Variants in ADAMTS6 observed in about 807,000 individuals in gnomAD.
The protein encoded by ADAMTS6 is ADAM metallopeptidase with thrombospondin type 1 motif 6, also known as A disintegrin and metalloproteinase with thrombospondin motifs 6.
A neutral mutation model predicts 144.3 loss-of-function variants in ADAMTS6; 23 were observed. That is an observed-to-expected ratio of 0.16 (90% CI 0.11 to 0.23). ADAMTS6 has a LOEUF of 0.23. Ranked by LOEUF, ADAMTS6 falls within the 10% of genes least tolerant of loss-of-function variation. The pLI is 1.00. For missense variants in ADAMTS6, 999 were observed against 1,379.6 expected (o/e 0.72, Z 4.37); for synonymous variants, 444 against 457.5 (o/e 0.97, Z 0.38).
chr5:65,310,929 C>T (rs1744435339), intron 9 of ADAMTS6, among the ~76,000 whole-genome samples: 1 of 151,848 alleles, frequency 6.6e-6, no homozygotes. Flanking sequence ...TGTTTTGGCT[C>T]ATGAATGCAA....
chr5:65,224,342 A>C lies in ADAMTS6; in HGVS notation c.2250T>G (p.Val750=), dbSNP rs147098621. Residue 750 remains valine, a synonymous_variant, in exon 18 of 25, where the codon GTT becomes GTG. Transcript: ENST00000381055. The part of the protein sequence containing the change: ...RGSVHIEVRE[V]AMSKNYIALK... Reference sequence around the variant, plus strand: ...TACCAATATAGTTCTTTGACATGGCAACTTCTCTAACTTCAATGTGAACAG... The same window carrying C: ...TACCAATATAGTTCTTTGACATGGCCACTTCTCTAACTTCAATGTGAACAG... 85 of 1,613,988 alleles carry C rather than the reference A, an allele frequency of 5.3e-5. No homozygotes were observed. Among genetic ancestry groups the C allele is most frequent in the Non-Finnish European group, 7.0e-5 (83 of 1,180,010 alleles).
chr5:65,331,769 A>C (rs566861181), intron 8 of ADAMTS6, among the ~76,000 whole-genome samples: 66 of 152,094 alleles, frequency 4.3e-4, no homozygotes, highest in African/African-American at 1.5e-3. Flanking sequence ...AGTGACTAGA[A>C]TACAACTTAA....
Position 65,224,389 on chromosome 5 carries a change from C to A in ADAMTS6, c.2203G>T (p.Val735Leu). Residue 735 changes from valine (V) to leucine (L), a missense_variant, in exon 18 of 25, where the codon GTG becomes TTG. Val to Leu is a conservative substitution (Grantham distance 32). Coordinates refer to ENST00000381055, the MANE Select transcript of ADAMTS6 (RefSeq NM_197941.4). ...ACAGAGCCTCTTGGTATCTGCACCA[C>A]TTCCATGTAGCCTGGAACACAGAAG... ...DSLPRGGYME[V>L]VQIPRGSVHI... 1 of 1,614,106 alleles carries A rather than the reference C, an allele frequency of 6.2e-7. No individual in the cohort carries two copies. Among genetic ancestry groups the A allele is most frequent in the Non-Finnish European group, 8.5e-7 (1 of 1,179,976 alleles).
rs767420315 is a variant in ADAMTS6 at position 65,334,019 on chromosome 5, A to ACC, written c.1117+22_1117+23insGG. 4 of 1,361,520 alleles carry ACC rather than the reference A, an allele frequency of 2.9e-6. No individual in the cohort carries two copies. In the South Asian group the frequency reaches 8.1e-5, roughly 28 times the overall value. 84.3% of individuals were successfully genotyped at this position (1,361,520 alleles called of 1,614,324 possible). On this transcript the variant is annotated intron_variant, in intron 8 of 24. Coordinates refer to ENST00000381055, the MANE Select transcript of ADAMTS6 (RefSeq NM_197941.4). ...TATTAAAAAAAAAAAAAAAAAAAAA[A>ACC]AAAAAAACCAAAAAAAACTTACCCA... is the stretch of plus-strand genomic sequence containing the variant.
chr5:65,316,770 T>C (rs1471250848), intron 9 of ADAMTS6, among the ~76,000 whole-genome samples: 1 of 152,044 alleles, frequency 6.6e-6, no homozygotes, highest in East Asian at 1.9e-4. Flanking sequence ...CTTTTTATAA[T>C]GATAAAGAGG....
intron 6 of ADAMTS6, among the ~76,000 whole-genome samples, 200 bp from the exon 7 acceptor site, chr5:65,451,820 T>C (rs1197986162): frequency 6.6e-6 from 1 of 152,178 alleles, no homozygotes; most frequent in African/African-American, 2.4e-5. Flanking sequence ...AGTTCCAGCT[T>C]TAATGATAAT....
At chr5:65,430,650 T>C (rs1756926339) in intron 7 of ADAMTS6, among the ~76,000 whole-genome samples, 1 of 152,132 alleles carries the variant, frequency 6.6e-6, no homozygotes, top group South Asian at 2.1e-4. Context: ...TAGCAGTTTT[T>C]CAAAATGAAC....
At chr5:65,345,893 A>T (rs1480850956) in intron 7 of ADAMTS6, among the ~76,000 whole-genome samples, 2 of 151,912 alleles carry the variant, frequency 1.3e-5, no homozygotes. Context: ...TATACAGTAC[A>T]TAGCTTATTA....
At chr5:65,427,408 A>C (rs1756632811) in intron 7 of ADAMTS6, among the ~76,000 whole-genome samples, 1 of 151,972 alleles carries the variant, frequency 6.6e-6, no homozygotes, top group African/African-American at 2.4e-5. Context: ...GCCTCAAGGG[A>C]TCCTCCCACC....
chr5:65,210,499 GGAGAT>G (rs1388459428), intron 20 of ADAMTS6: 1 of 328,988 alleles, frequency 3.0e-6, no homozygotes, highest in Non-Finnish European at 5.8e-6. Flanking sequence ...GGAGTTGATT[GGAGAT>G]GAATATAATG....
intron 7 of ADAMTS6, among the ~76,000 whole-genome samples, chr5:65,376,323 C>T (rs1053416013): frequency 8.6e-5 from 13 of 152,040 alleles, no homozygotes; most frequent in African/African-American, 2.4e-4. Flanking sequence ...TGGTGGCACG[C>T]GCCTGTAGTC....
chr5:65,461,281 C>T (rs1008112933), intron 3 of ADAMTS6, among the ~76,000 whole-genome samples: 4 of 152,156 alleles, frequency 2.6e-5, no homozygotes, highest in Non-Finnish European at 5.9e-5. Flanking sequence ...CATCTCAAGT[C>T]GTGAAGTCTT....
intron 10 of ADAMTS6, among the ~76,000 whole-genome samples, chr5:65,293,041 A>T (rs1312425806): frequency 6.6e-6 from 1 of 152,090 alleles, no homozygotes; most frequent in African/African-American, 2.4e-5. Context: ...ATTTATAAGG[A>T]TATGCAAACT....
At chr5:65,275,409 AAGAAAG>A (rs1762438057) in intron 11 of ADAMTS6, among the ~76,000 whole-genome samples, 3 of 144,556 alleles carry the variant, frequency 2.1e-5, no homozygotes, top group Non-Finnish European at 4.5e-5. Context: ...GAAAGAAAGA[AAGAAAG>A]AAAAGAAAGA....
chr5:65,321,779 G>A lies in ADAMTS6; in HGVS notation c.1223+7599C>T, dbSNP rs151106113. ...CACCCAGGCTGGAGTGCAATGGCAC[G>A]ATCTCAGCTCACTGCAATCTCTGCC... On this transcript the variant is annotated intron_variant, in intron 9 of 24. Coordinates refer to ENST00000381055, the MANE Select transcript of ADAMTS6 (RefSeq NM_197941.4). 6.6e-3 allele frequency among the ~76,000 whole-genome samples: 840 copies of A among 126,880 alleles called. 3 individuals carry two copies. The highest frequency in any genetic ancestry group is 0.023 in the African/African-American group (771 of 33,828). 83.2% of individuals were successfully genotyped at this position (126,880 alleles called of 152,430 possible).
intron 8 of ADAMTS6, among the ~76,000 whole-genome samples, chr5:65,330,315 T>C (rs1263958874): frequency 6.6e-6 from 1 of 152,164 alleles, no homozygotes; most frequent in Non-Finnish European, 1.5e-5. Flanking sequence ...TTTAAAGCAG[T>C]GCTTAAAAAA....
At chr5:65,394,911 G>A (rs189740564) in intron 7 of ADAMTS6, among the ~76,000 whole-genome samples, 8 of 152,072 alleles carry the variant, frequency 5.3e-5, no homozygotes, top group African/African-American at 9.6e-5. Flanking sequence ...GTGCTTTCAC[G>A]TACCTGATTT....
intron 18 of ADAMTS6, among the ~76,000 whole-genome samples, chr5:65,221,445 A>G (rs1046821025): frequency 5.3e-5 from 8 of 152,222 alleles, no homozygotes; most frequent in African/African-American, 1.9e-4. Context: ...ATTCATGACT[A>G]AAACTCTAAT....
Position 65,418,156 on chromosome 5 carries a change from T to A in ADAMTS6, c.1073+33319A>T, listed in dbSNP as rs541378461. 3.9e-5 allele frequency among the ~76,000 whole-genome samples: 6 copies of A among 152,280 alleles called. No homozygotes were observed. The South Asian group carries it at 1.2e-3, about 32-fold the overall frequency. Reference sequence around the variant, plus strand: ...ATTCAATAAATGGTGCTAGGACAGCTGGCTAGCTATATTCAAAATGAAACT... The same window carrying A: ...ATTCAATAAATGGTGCTAGGACAGCAGGCTAGCTATATTCAAAATGAAACT... On this transcript the variant is annotated intron_variant, in intron 7 of 24. Coordinates refer to ENST00000381055, the MANE Select transcript of ADAMTS6 (RefSeq NM_197941.4).
Sources: allele counts gnomAD v4.1 joint callset (sites outside exome capture counted in the v4.1 genomes callset), GRCh38; gene constraint gnomAD v4.1.1; transcripts MANE v1.5; gene names NCBI Gene and HGNC (gene_info 2026-07-23, HGNC 2026-07-21).